FAM78B: variants seen among roughly 807,000 people sequenced by gnomAD.
The protein encoded by FAM78B is family with sequence similarity 78 member B.
In FAM78B, 10 loss-of-function variants were observed where a neutral mutation model predicts 20.0. The ratio of observed to expected loss-of-function variants is 0.50; its 90% confidence interval spans 0.31 to 0.85. FAM78B has a LOEUF of 0.85. FAM78B is among the 40% of genes least tolerant of loss of function. FAM78B has a pLI of 0.05. For synonymous variants in FAM78B, 135 were observed against 132.8 expected (o/e 1.02, Z -0.12); for missense variants, 283 against 345.0 (o/e 0.82, Z 1.42).
intron 1 of FAM78B, among the ~76,000 whole-genome samples, chr1:166,125,076 C>G (rs6698285): frequency 6.6e-6 from 1 of 152,052 alleles, no homozygotes; most frequent in Non-Finnish European, 1.5e-5. Context: ...TGAGCTCTCA[C>G]AATTGCAGTA....
At chr1:166,095,948 C>T (rs1275137576) in intron 1 of FAM78B, among the ~76,000 whole-genome samples, 1 of 152,080 alleles carries the variant, frequency 6.6e-6, no homozygotes, top group South Asian at 2.1e-4. Context: ...AAATGTAATT[C>T]CCCAGCTGGA....
At chr1:166,120,650 G>A (rs1303686371) in intron 1 of FAM78B, among the ~76,000 whole-genome samples, 3 of 152,208 alleles carry the variant, frequency 2.0e-5, no homozygotes, top group Non-Finnish European at 2.9e-5. Flanking sequence ...CCCTGCGGAC[G>A]ACTGCAAGGG....
rs1295816120 is a variant in FAM78B at position 166,069,529 on chromosome 1, T to C, written c.*712A>G. On this transcript the variant is annotated 3_prime_UTR_variant, in exon 2 of 2. Coordinates refer to ENST00000354422, the MANE Select transcript of FAM78B (RefSeq NM_001017961.5). The stretch of plus-strand genomic sequence containing the variant: ...CCAAATACTGTGATTAAAAATACTC[T>C]GAATAAGCAATCTTTTTGGAAAGAG... 2.0e-5 allele frequency: 3 copies of C among 152,204 alleles called. No homozygotes were observed. The highest frequency in any genetic ancestry group is 2.0e-4 in the Admixed American group (3 of 15,282). The allele number at this position is 152,204 out of a possible 1,614,324, so 9.4% of individuals were successfully genotyped here.
chr1:166,057,044 A>G (rs987456067), downstream of FAM78B, among the ~76,000 whole-genome samples: 1 of 152,102 alleles, frequency 6.6e-6, no homozygotes, highest in Non-Finnish European at 1.5e-5. Flanking sequence ...CAGTCATCGA[A>G]TCTGCCAGAG....
intron 1 of FAM78B, among the ~76,000 whole-genome samples, chr1:166,112,591 G>C (rs1247384561): frequency 1.3e-5 from 2 of 152,148 alleles, no homozygotes; most frequent in African/African-American, 2.4e-5. Context: ...TCCCACTCCA[G>C]CTGCTCCTTT....
At chr1:166,103,766 C>T (rs1419615240) in intron 1 of FAM78B, among the ~76,000 whole-genome samples, 1 of 152,176 alleles carries the variant, frequency 6.6e-6, no homozygotes, top group Non-Finnish European at 1.5e-5. Context: ...CCGAATTCCA[C>T]CAGAGCTTCA....
intron 1 of FAM78B, among the ~76,000 whole-genome samples, chr1:166,119,391 A>G (rs1211833298): frequency 6.6e-6 from 1 of 152,184 alleles, no homozygotes; most frequent in Non-Finnish European, 1.5e-5. Context: ...AGTGATTCCA[A>G]AGGAGACGAC....
intron 1 of FAM78B, among the ~76,000 whole-genome samples, chr1:166,108,507 T>G (rs563172336): frequency 1.3e-5 from 2 of 152,214 alleles, no homozygotes; most frequent in African/African-American, 4.8e-5. Flanking sequence ...AAAGAGATCA[T>G]AGATGACATG....
At chr1:166,153,881 G>A (rs893353036) in intron 1 of FAM78B, among the ~76,000 whole-genome samples, 4 of 152,178 alleles carry the variant, frequency 2.6e-5, no homozygotes, top group African/African-American at 9.6e-5. Flanking sequence ...AAAATGGGGT[G>A]TTGCCTAGAC....
rs372600313 is a variant in FAM78B, at chr1:166,089,701, AAG to A, written c.264-18940_264-18939del. On this transcript the variant is annotated intron_variant, in intron 1 of 1. Transcript: ENST00000354422. ...TGGGACTGGGAACTGGCAAGGAAAT[AAG>A]AGAGAGCTCTGGAATGGGGGGTGAG... Among the ~76,000 whole-genome samples, 15 of 152,216 alleles carry A rather than the reference AAG, an allele frequency of 9.9e-5. No individual in the cohort carries two copies. In the South Asian group the frequency reaches 2.5e-3, roughly 25 times the overall value.
chr1:166,060,547 G>A, exon 3 of FAM78B: 1 of 1,206,402 alleles, frequency 8.3e-7, no homozygotes, highest in Non-Finnish European at 1.1e-6. Context: ...CATTTTAATG[G>A]GAAATCAGCT....
At chr1:166,129,908 G>A (rs1406295577) in intron 1 of FAM78B, among the ~76,000 whole-genome samples, 1 of 152,154 alleles carries the variant, frequency 6.6e-6, no homozygotes, top group African/African-American at 2.4e-5. Flanking sequence ...GAACACATTT[G>A]GCATTCCAAG....
chr1:166,130,804 C>G (rs1260682889), intron 1 of FAM78B, among the ~76,000 whole-genome samples: 2 of 152,128 alleles, frequency 1.3e-5, no homozygotes, highest in Non-Finnish European at 2.9e-5. Flanking sequence ...TTCCCTGACT[C>G]CCAGACCTGT....
chr1:166,060,032 A>G (rs921429548), exon 3 of FAM78B: 1 of 156,924 alleles, frequency 6.4e-6, no homozygotes, highest in African/African-American at 2.4e-5. Context: ...CCCTCACCCC[A>G]TTGAACCTGG....
At chr1:166,088,770 C>T (rs1652944072) in intron 1 of FAM78B, among the ~76,000 whole-genome samples, 1 of 152,132 alleles carries the variant, frequency 6.6e-6, no homozygotes, top group African/African-American at 2.4e-5. Flanking sequence ...CGGGGAGGGG[C>T]AGAGGGGGCA....
chr1:166,103,903 AAG>A (rs1311925989), intron 1 of FAM78B, among the ~76,000 whole-genome samples: 1 of 152,222 alleles, frequency 6.6e-6, no homozygotes, highest in Non-Finnish European at 1.5e-5. Flanking sequence ...ACAAAAATAA[AAG>A]AGAATTTTAG....
chr1:166,111,090 CG>C (rs1299656772), intron 1 of FAM78B, among the ~76,000 whole-genome samples: 1 of 152,128 alleles, frequency 6.6e-6, no homozygotes, highest in Non-Finnish European at 1.5e-5. Flanking sequence ...GATAAGCTGA[CG>C]GGGCCACTGT....
intron 1 of FAM78B, among the ~76,000 whole-genome samples, chr1:166,110,426 T>A (rs1184852604): frequency 6.6e-6 from 1 of 152,158 alleles, no homozygotes; most frequent in African/African-American, 2.4e-5. Context: ...TCACTTCTGC[T>A]GTTTTGGACA....
At chr1:166,162,516 C>T (rs926789353) in intron 1 of FAM78B, among the ~76,000 whole-genome samples, 1 of 152,312 alleles carries the variant, frequency 6.6e-6, no homozygotes, top group African/African-American at 2.4e-5. Context: ...CTCATTCAAC[C>T]CTGGCACAAG....
Sources: allele counts gnomAD v4.1 joint callset (sites outside exome capture counted in the v4.1 genomes callset), GRCh38; gene constraint gnomAD v4.1.1; transcripts MANE v1.5; gene names NCBI Gene and HGNC (gene_info 2026-07-23, HGNC 2026-07-21).